The following ODAD2 variants were observed in gnomAD, a reference collection of about 807,000 sequenced individuals.
The protein encoded by ODAD2 is outer dynein arm-docking complex subunit 2.
A neutral mutation model predicts 106.8 loss-of-function variants in ODAD2; 89 were observed. That is an observed-to-expected ratio of 0.83 (90% CI 0.70 to 0.99). ODAD2 has a LOEUF of 0.99. Ranked by LOEUF, ODAD2 falls within the 50% of genes least tolerant of loss-of-function variation. The probability of loss-of-function intolerance (pLI) is 0.00; values close to 1 mark genes in which losing one functional copy is unlikely to be tolerated. For synonymous variants in ODAD2, 404 were observed against 436.2 expected (o/e 0.93, Z 0.92); for missense variants, 1,168 against 1,238.5 (o/e 0.94, Z 0.85).
rs564966166 is a variant in ODAD2 at position 27,915,488 on chromosome 10, C to T, written c.2496-7711G>A. On this transcript the variant is annotated intron_variant, in intron 16 of 19. Transcript: ENST00000305242. ...TTCATTTATGAGGCCTCTACCCTCA[C>T]GTCCTAATCACTTCCCAAAAGTCTC... is the stretch of plus-strand genomic sequence containing the variant. Among the ~76,000 whole-genome samples the T allele has an allele frequency of 7.9e-5, 12 of 152,240 alleles. No individual in the cohort carries two copies. In the East Asian group the frequency reaches 1.5e-3, roughly 20 times the overall value.
chr10:27,860,169 T>A (rs1839939772), intron 19 of ODAD2, among the ~76,000 whole-genome samples: 1 of 152,140 alleles, frequency 6.6e-6, no homozygotes, highest in African/African-American at 2.4e-5. Flanking sequence ...CATAACACAC[T>A]GGCTGGGCAT....
intron 13 of ODAD2, among the ~76,000 whole-genome samples, chr10:27,940,261 A>ATATC (rs58108383): frequency 6.7e-6 from 1 of 148,748 alleles, no homozygotes; most frequent in East Asian, 2.0e-4. Context: ...ATGTCAGTAT[A>ATATC]TGTGATATAT....
Position 27,829,848 on chromosome 10 carries a change from C to T in ODAD2, c.3022-17223G>A, listed in dbSNP as rs186726923. Among the ~76,000 whole-genome samples, 3 of 152,180 alleles carry T rather than the reference C, an allele frequency of 2.0e-5. No homozygotes were observed. In the East Asian group the frequency reaches 5.8e-4, roughly 29 times the overall value. On this transcript the variant is annotated intron_variant, in intron 19 of 19. Transcript: ENST00000305242. Reference sequence around the variant, plus strand: ...TCTCTGGCAAAGACTGTGTTCATTTCAGAGCCCATCTTACATGATTTTTGC... The same window carrying T: ...TCTCTGGCAAAGACTGTGTTCATTTTAGAGCCCATCTTACATGATTTTTGC...
intron 14 of ODAD2, among the ~76,000 whole-genome samples, chr10:27,938,558 C>G (rs1030909730): frequency 6.6e-6 from 1 of 151,988 alleles, no homozygotes; most frequent in Non-Finnish European, 1.5e-5. Context: ...CAACCTAATA[C>G]AATCCTCTAC....
chr10:27,868,001 C>T (rs534981297), intron 17 of ODAD2, among the ~76,000 whole-genome samples: 1 of 151,136 alleles, frequency 6.6e-6, no homozygotes, highest in South Asian at 2.1e-4. Context: ...TTTCCATATA[C>T]AGTTATTATA....
intron 17 of ODAD2, among the ~76,000 whole-genome samples, chr10:27,888,213 T>A (rs1354666411): frequency 6.6e-6 from 1 of 152,104 alleles, no homozygotes; most frequent in Non-Finnish European, 1.5e-5. Flanking sequence ...GTAGTTCTAT[T>A]TTTAGTTCTT....
rs1358312639 is a variant in ODAD2 at position 27,812,253 on chromosome 10, C to T, written c.*259G>A. The T allele has an allele frequency of 2.2e-6, 1 of 454,346 alleles. No homozygotes were observed. The highest frequency in any genetic ancestry group is 2.1e-5 in the African/African-American group (1 of 48,130). 28.1% of individuals were successfully genotyped at this position (454,346 alleles called of 1,614,324 possible). ...AAAATACATCATATACGTATATTCT[C>T]ATATTCTTAGAAACTTATCACAGGT... is the stretch of plus-strand genomic sequence containing the variant. On this transcript the variant is annotated 3_prime_UTR_variant, in exon 20 of 20. Transcript: ENST00000305242.
intron 13 of ODAD2, among the ~76,000 whole-genome samples, chr10:27,940,273 T>C (rs1846304964): frequency 6.7e-6 from 1 of 149,722 alleles, no homozygotes; most frequent in Admixed American, 6.6e-5. Context: ...GTGATATATA[T>C]ATAAATGCCA....
At chr10:27,814,758 C>T (rs1439348185) in intron 19 of ODAD2, among the ~76,000 whole-genome samples, 1 of 152,178 alleles carries the variant, frequency 6.6e-6, no homozygotes, top group African/African-American at 2.4e-5. Flanking sequence ...TTATCAGTTT[C>T]TTAAACCTCC....
At chr10:27,856,598 C>T (rs1484166867) in intron 19 of ODAD2, among the ~76,000 whole-genome samples, 4 of 152,202 alleles carry the variant, frequency 2.6e-5, no homozygotes, top group Non-Finnish European at 4.4e-5. Flanking sequence ...TCTCCACTCT[C>T]CACTCTCCAC....
At chr10:27,956,329 C>G (rs1456477077) in intron 10 of ODAD2, among the ~76,000 whole-genome samples, 1 of 152,064 alleles carries the variant, frequency 6.6e-6, no homozygotes, top group Non-Finnish European at 1.5e-5. Context: ...TGATCAAAAT[C>G]CCAGGTACAG....
At chr10:27,823,231 A>G (rs1211477007) in intron 19 of ODAD2, among the ~76,000 whole-genome samples, 1 of 152,214 alleles carries the variant, frequency 6.6e-6, no homozygotes, top group Non-Finnish European at 1.5e-5. Flanking sequence ...ATATTGGCAC[A>G]CATAGGGGCT....
In ODAD2 at chr10:27,978,808, A is replaced by G. The variant is rs139638929; in HGVS notation, c.936+2658T>C. Among the ~76,000 whole-genome samples, 864 of 152,132 alleles carry G rather than the reference A, an allele frequency of 5.7e-3. 6 individuals are homozygous for G. Among genetic ancestry groups the G allele is most frequent in the African/African-American group, 0.019 (807 of 41,500 alleles). ...CTCCATCTCAAAAAAAGAAAAGAAA[A>G]GGAAAACTGAATAGAAGGCAACTTC... On this transcript the variant is annotated intron_variant, in intron 7 of 19. Coordinates refer to ENST00000305242, the MANE Select transcript of ODAD2 (RefSeq NM_018076.5).
Position 27,930,012 on chromosome 10 carries a change from C to A in ODAD2, c.2495+4998G>T, listed in dbSNP as rs190367327. 1.9e-4 allele frequency among the ~76,000 whole-genome samples: 29 copies of A among 152,102 alleles called. No homozygotes were observed. The South Asian group carries it at 2.7e-3, about 14-fold the overall frequency. On this transcript the variant is annotated intron_variant, in intron 16 of 19. Coordinates refer to ENST00000305242, the MANE Select transcript of ODAD2 (RefSeq NM_018076.5). ...ACCTCTTCTTGAGGAATACCAATTA[C>A]GTTTATGTTGGCTCTCCTTGGGTTC...
At chr10:27,944,175 A>G (rs1352607697) in intron 12 of ODAD2, 47 bp downstream of exon 12, 7 of 1,504,372 alleles carry the variant, frequency 4.7e-6, no homozygotes, top group South Asian at 1.2e-5. Flanking sequence ...AGCTGTGTGC[A>G]GTGGCGGCTG....
chr10:27,906,812 A>G (rs949512687), intron 17 of ODAD2, among the ~76,000 whole-genome samples: 3 of 152,168 alleles, frequency 2.0e-5, no homozygotes, highest in Non-Finnish European at 4.4e-5. Context: ...GAGTTGAACA[A>G]TGAGAACACA....
At position 27,885,714 on chromosome 10, in the gene ODAD2, T is replaced by TAATATATTATATATAAAATATATATAA. The variant is rs1491302428; in HGVS notation, c.2610+21948_2610+21949insTTATATATATTTTATATATAATATATT. On this transcript the variant is annotated intron_variant, in intron 17 of 19. Coordinates refer to ENST00000305242, the MANE Select transcript of ODAD2 (RefSeq NM_018076.5). ...ATATATAATATATATAAAATATATATTATATATTATATATAAAATATATTA... is the reference window on the plus strand; with the variant it reads ...ATATATAATATATATAAAATATATATAATATATTATATATAAAATATATATAATATATATTATATATAAAATATATTA... Among the ~76,000 whole-genome samples, 18 of 57,860 alleles carry TAATATATTATATATAAAATATATATAA rather than the reference T, an allele frequency of 3.1e-4. 1 individual carries two copies. The highest frequency in any genetic ancestry group is 4.2e-4 in the Non-Finnish European group (14 of 33,168). The allele number at this position is 57,860 out of a possible 152,430, so 38.0% of individuals were successfully genotyped here.
At chr10:27,996,570 A>G (rs1172478411) in intron 1 of ODAD2, among the ~76,000 whole-genome samples, 2 of 152,144 alleles carry the variant, frequency 1.3e-5, no homozygotes, top group Non-Finnish European at 2.9e-5. Flanking sequence ...TAAGTGAAAA[A>G]CTTCAGATAA....
chr10:27,948,992 CG>C (rs1450123535), intron 10 of ODAD2, among the ~76,000 whole-genome samples: 1 of 152,028 alleles, frequency 6.6e-6, no homozygotes, highest in East Asian at 1.9e-4. Context: ...TCCTCAACTA[CG>C]TTTTTTTAAT....
Sources: allele counts gnomAD v4.1 joint callset (sites outside exome capture counted in the v4.1 genomes callset), GRCh38; gene constraint gnomAD v4.1.1; transcripts MANE v1.5; gene names NCBI Gene and HGNC (gene_info 2026-07-23, HGNC 2026-07-21).